ABCC9: variants seen among roughly 807,000 people sequenced by gnomAD.
ABCC9 encodes ATP-binding cassette sub-family C member 9.
ABCC9 carries 95 observed loss-of-function variants against 188.3 expected under a neutral mutation model. That is an observed-to-expected ratio of 0.50 (90% CI 0.43 to 0.60). The LOEUF (loss-of-function observed/expected upper bound fraction) is 0.60. ABCC9 is among the 20% of genes least tolerant of loss of function. The pLI, the probability that ABCC9 is intolerant of heterozygous loss-of-function variation, is 0.00. For missense variants in ABCC9, 1,102 were observed against 1,876.3 expected, an observed-to-expected ratio of 0.59 and a Z score of 7.62; for synonymous variants, 659 against 652.7, an observed-to-expected ratio of 1.01 and a Z score of -0.15.
At chr12:21,878,752 A>G (rs1330054539) in intron 16 of ABCC9, among the ~76,000 whole-genome samples, 1 of 139,272 alleles carries the variant, frequency 7.2e-6, no homozygotes, top group Non-Finnish European at 1.6e-5. Context: ...ATGCAATGTC[A>G]CCTTCTGATT....
chr12:21,853,443 A>G (rs1945069311), intron 22 of ABCC9, among the ~76,000 whole-genome samples: 1 of 152,066 alleles, frequency 6.6e-6, no homozygotes, highest in South Asian at 2.1e-4. Context: ...TAGTGGGTAT[A>G]TAATTTACAT....
At chr12:21,928,693 A>G (rs1428395062) in intron 4 of ABCC9, among the ~76,000 whole-genome samples, 2 of 152,224 alleles carry the variant, frequency 1.3e-5, no homozygotes, top group African/African-American at 4.8e-5. Flanking sequence ...AGCAATAACA[A>G]AGATTTAGTA....
At chr12:21,882,933 T>A in intron 15 of ABCC9, 60 bp from the exon 16 acceptor site, 1 of 1,356,748 alleles carries the variant, frequency 7.4e-7, no homozygotes, top group Non-Finnish European at 1.1e-6. Context: ...GAAGTTTTAC[T>A]GAACACTTAC....
intron 4 of ABCC9, among the ~76,000 whole-genome samples, chr12:21,928,956 A>C (rs2138024878): frequency 6.6e-6 from 1 of 152,290 alleles, no homozygotes; most frequent in East Asian, 1.9e-4. Flanking sequence ...TACAGCAGAA[A>C]GTCTTTAGTC....
In ABCC9 at chr12:21,936,579, G is replaced by A. The variant is rs727505034; in HGVS notation, c.96C>T (p.Val32=). 74 of 1,613,070 alleles carry A rather than the reference G, an allele frequency of 4.6e-5. 1 individual carries two copies. The South Asian group carries it at 6.6e-4, about 14-fold the overall frequency. ...NSCFVDALNL[V]PHVFLLFITF... is the part of the protein sequence containing the mutation. The stretch of plus-strand genomic sequence containing the variant: ...TGATAAACAACAGAAAGACATGAGG[G>A]ACCAGGTTGAGGGCATCCACAAAGC... The change falls in exon 3 of 40, where the codon GTC becomes GTT. Residue 32 remains valine, a synonymous_variant. Transcript: ENST00000261200.
intron 30 of ABCC9, among the ~76,000 whole-genome samples, chr12:21,829,733 A>G (rs1943648026): frequency 6.6e-6 from 1 of 152,198 alleles, no homozygotes; most frequent in Admixed American, 6.5e-5. Context: ...AAAATCCAGG[A>G]TAAATTGTGT....
At chr12:21,937,529 G>A (rs554529568) in intron 2 of ABCC9, among the ~76,000 whole-genome samples, 1 of 152,208 alleles carries the variant, frequency 6.6e-6, no homozygotes, top group East Asian at 1.9e-4. Context: ...GAGGAGTGAC[G>A]TGCTCTCACT....
At chr12:21,813,330 A>G (rs1432688461) in intron 35 of ABCC9, among the ~76,000 whole-genome samples, 2 of 152,208 alleles carry the variant, frequency 1.3e-5, no homozygotes, top group African/African-American at 4.8e-5. Flanking sequence ...TGCAGAGACC[A>G]TATTGCCCTG....
intron 30 of ABCC9, 127 bp from the exon 31 acceptor site, chr12:21,829,187 ATTTCTTT>A: frequency 7.0e-6 from 1 of 143,406 alleles, no homozygotes; most frequent in Non-Finnish European, 1.3e-5. Flanking sequence ...CAGTAAATAG[ATTTCTTT>A]TTTTTTTTTT....
At chr12:21,886,823 A>G (rs575670616) in intron 15 of ABCC9, among the ~76,000 whole-genome samples, 2 of 152,144 alleles carry the variant, frequency 1.3e-5, no homozygotes, top group Non-Finnish European at 2.9e-5. Context: ...AGATCTTTGC[A>G]TCTACTAGTT....
At chr12:21,857,623 C>T (rs1945291529) in intron 22 of ABCC9, among the ~76,000 whole-genome samples, 1 of 152,088 alleles carries the variant, frequency 6.6e-6, no homozygotes, top group Non-Finnish European at 1.5e-5. Context: ...CTTAAACTAA[C>T]TATATGCATC....
intron 5 of ABCC9, among the ~76,000 whole-genome samples, chr12:21,921,625 T>A (rs940281579): frequency 6.6e-6 from 1 of 152,146 alleles, no homozygotes. Flanking sequence ...GCTTGAGGGG[T>A]GTTGCTCAAG....
At position 21,860,975 on chromosome 12, in the gene ABCC9, T is replaced by C; in HGVS notation, c.2420A>G (p.Glu807Gly). The C allele has an allele frequency of 6.2e-7, 1 of 1,611,638 alleles. No individual in the cohort carries two copies. The highest frequency in any genetic ancestry group is 8.5e-7 in the Non-Finnish European group (1 of 1,178,088). The change falls in exon 21 of 40, where the codon GAG (glutamate) becomes GGG (glycine). Residue 807 changes from glutamate to glycine, a missense_variant. Physicochemically the swap from Glu to Gly is moderately conservative, Grantham distance 98. Coordinates refer to ENST00000261200, the MANE Select transcript of ABCC9 (RefSeq NM_020297.4). ...ATGAAACTATATATAGCTCACCCTCTCTCCAATTTCAGTTTGATCTCCAAA... is the reference window on the plus strand; with the variant it reads ...ATGAAACTATATATAGCTCACCCTCCCTCCAATTTCAGTTTGATCTCCAAA... Reference protein sequence around the residue: ...LPFGDQTEIGERGINLSGGQR... With the variant: ...LPFGDQTEIGGRGINLSGGQR...
intron 18 of ABCC9, among the ~76,000 whole-genome samples, chr12:21,865,867 T>C (rs1186876699): frequency 6.6e-6 from 1 of 152,102 alleles, no homozygotes; most frequent in Non-Finnish European, 1.5e-5. Context: ...TTCACACCAC[T>C]TTCACTTTTG....
rs569309901 is a variant in ABCC9 at position 21,859,681 on chromosome 12, C to A, written c.2425-15G>T. On this transcript the variant is annotated splice_polypyrimidine_tract_variant and intron_variant, in intron 21 of 39. Transcript: ENST00000261200. Reference sequence around the variant, plus strand: ...AGGTTGATGCCCTAGAGAAGAGACACCCCCAAATACCCATTTTTTAATATT... The same window carrying A: ...AGGTTGATGCCCTAGAGAAGAGACAACCCCAAATACCCATTTTTTAATATT... The A allele has an allele frequency of 1.9e-6, 3 of 1,601,900 alleles. No individual in the cohort carries two copies. Among genetic ancestry groups the A allele is most frequent in the African/African-American group, 1.3e-5 (1 of 74,740 alleles).
chr12:21,915,496 G>GTATATATATATATA (rs1308868546), intron 7 of ABCC9, among the ~76,000 whole-genome samples, 172 bp downstream of exon 7: 1 of 5,438 alleles, frequency 1.8e-4, no homozygotes, highest in Non-Finnish European at 3.9e-4. Context: ...GTGTGTGTGT[G>GTATATATATATATA]TGTGTATATA....
At chr12:21,842,975 AT>A (rs1944468903) in intron 28 of ABCC9, among the ~76,000 whole-genome samples, 2 of 152,230 alleles carry the variant, frequency 1.3e-5, no homozygotes, top group South Asian at 2.1e-4. Flanking sequence ...TATTTAAAAA[AT>A]ATTTGCAAAT....
At position 21,933,812 on chromosome 12, in the gene ABCC9, C is replaced by T; in HGVS notation, c.254G>A (p.Cys85Tyr). The change falls in exon 4 of 40, where the codon TGT becomes TAT. Residue 85 changes from cysteine (C) to tyrosine (Y), a missense_variant. Cys to Tyr is a radical substitution (Grantham distance 194). Around this residue, in one of 12 missense-constraint regions of ABCC9, gnomAD observed 305 missense variants for 573.0 expected, o/e 0.53. Transcript: ENST00000261200. Reference sequence around the variant, plus strand: ...TGAAACAATGCCTTCTGCTATTTCACAGACATGCACAAACAGGAGAGCGAA... The same window carrying T: ...TGAAACAATGCCTTCTGCTATTTCATAGACATGCACAAACAGGAGAGCGAA... ...LTFALLFVHV[C>Y]EIAEGIVSDS... 6.2e-7 allele frequency: 1 copy of T among 1,613,618 alleles called. No homozygotes were observed. The highest frequency in any genetic ancestry group is 1.1e-5 in the South Asian group (1 of 91,072).
At chr12:21,893,955 T>C (rs1299141173) in intron 14 of ABCC9, 77 bp downstream of exon 14, 2 of 1,457,666 alleles carry the variant, frequency 1.4e-6, no homozygotes, top group African/African-American at 2.8e-5. Context: ...CTTTTTTATA[T>C]TTTTTCAAAT....
Sources: allele counts gnomAD v4.1 joint callset (sites outside exome capture counted in the v4.1 genomes callset), GRCh38; gene constraint gnomAD v4.1.1; regional missense constraint gnomAD v4.1.1; transcripts MANE v1.5; gene names NCBI Gene and HGNC (gene_info 2026-07-23, HGNC 2026-07-21).